The following ANKRD28 variants were observed in gnomAD, a reference collection of about 807,000 sequenced individuals.
The protein encoded by ANKRD28 is ankyrin repeat domain 28.
In ANKRD28, 44 loss-of-function variants were observed where a neutral mutation model predicts 126.5. That is an observed-to-expected ratio of 0.35 (90% confidence interval 0.27 to 0.45). The LOEUF (loss-of-function observed/expected upper bound fraction) is 0.45. Among genes scored for constraint, ANKRD28 ranks in the 20% least tolerant of loss-of-function variants. The pLI is 1.00. For missense variants in ANKRD28, 1,110 were observed against 1,316.6 expected, an observed-to-expected ratio of 0.84 and a Z score of 2.43; for synonymous variants, 442 against 468.5, an observed-to-expected ratio of 0.94 and a Z score of 0.73.
chr3:15,761,868 ATCAGGTTTCTGGT>A (rs2058473635), intron 3 of ANKRD28, among the ~76,000 whole-genome samples: 1 of 152,086 alleles, frequency 6.6e-6, no homozygotes, highest in African/African-American at 2.4e-5. Context: ...TTCCTTCCTG[ATCAGGTTTCTGGT>A]TCAGATTTCA....
chr3:15,713,734 C>G, intron 9 of ANKRD28, 93 bp from the exon 10 acceptor site: 1 of 717,250 alleles, frequency 1.4e-6, no homozygotes, highest in Non-Finnish European at 2.2e-6. Flanking sequence ...TGTTCACATA[C>G]AAACTAATAG....
intron 4 of ANKRD28, among the ~76,000 whole-genome samples, chr3:15,742,794 G>A (rs1314942033): frequency 6.9e-6 from 1 of 145,086 alleles, no homozygotes; most frequent in Non-Finnish European, 1.5e-5. Flanking sequence ...CGGTCCGGGA[G>A]GTGAGGGGCG....
At chr3:15,694,894 C>T in intron 16 of ANKRD28, 81 bp from the exon 17 acceptor site, 1 of 1,319,388 alleles carries the variant, frequency 7.6e-7, no homozygotes, top group African/African-American at 1.5e-5. Flanking sequence ...TTCAAATCCA[C>T]CTTAGAGTAT....
At chr3:15,704,790 T>G (rs1052099497) in intron 14 of ANKRD28, among the ~76,000 whole-genome samples, 1 of 152,212 alleles carries the variant, frequency 6.6e-6, no homozygotes, top group African/African-American at 2.4e-5. Context: ...ATGCCTCTGG[T>G]ATCCCAGAAT....
chr3:15,706,072 TG>T (rs200604907), intron 14 of ANKRD28, among the ~76,000 whole-genome samples: 28 of 151,560 alleles, frequency 1.8e-4, no homozygotes, highest in Admixed American at 3.9e-4. Flanking sequence ...ATTTTTTTTT[TG>T]TGTGTGTGTG....
At chr3:15,698,734 T>TA (rs2070069722) in intron 14 of ANKRD28, among the ~76,000 whole-genome samples, 1 of 151,972 alleles carries the variant, frequency 6.6e-6, no homozygotes, top group Non-Finnish European at 1.5e-5. Flanking sequence ...CTCAATGAAA[T>TA]AAAAGAGGAC....
intron 4 of ANKRD28, among the ~76,000 whole-genome samples, chr3:15,749,286 A>AT (rs967239246): frequency 1.3e-5 from 2 of 149,416 alleles, no homozygotes; most frequent in South Asian, 2.1e-4. Context: ...AATTTTTTGT[A>AT]TTTTTTTAGT....
rs903966417 is a variant in ANKRD28 at position 15,830,389 on chromosome 3, G to A, written c.27+28988C>T. On this transcript the variant is annotated intron_variant, in intron 1 of 27. Coordinates refer to the ANKRD28 transcript ENST00000399451. The surrounding 1 kb of genome is among the most constrained non-coding windows in gnomAD (Gnocchi z 4.5). The stretch of plus-strand genomic sequence containing the variant: ...GGCTGGATAGCAGGAGGTGAGCAGC[G>A]GGCAAGCAAGCATTACCACCTCAAC... Among the ~76,000 whole-genome samples the A allele has an allele frequency of 3.9e-5, 6 of 151,992 alleles. No homozygotes were observed. The highest frequency in any genetic ancestry group is 4.2e-4 in the South Asian group (2 of 4,818).
chr3:15,766,536 A>C (rs1017554441), intron 2 of ANKRD28, among the ~76,000 whole-genome samples: 1 of 152,106 alleles, frequency 6.6e-6, no homozygotes, highest in African/African-American at 2.4e-5. Context: ...TTTTTTTAAC[A>C]ATTAGCCAGG....
chr3:15,682,474 C>CTGGG (rs906096636), intron 21 of ANKRD28, among the ~76,000 whole-genome samples: 2 of 152,250 alleles, frequency 1.3e-5, no homozygotes, highest in African/African-American at 4.8e-5. Flanking sequence ...GGATGGTAAA[C>CTGGG]TGGGTCCTCC....
Position 15,670,325 on chromosome 3 carries a change from T to C in ANKRD28, c.3197A>G (p.Glu1066Gly), listed in dbSNP as rs2066215828. ...CTCATCCACGTCAGTGTATAAGTAC[T>C]CCTGTTCCCCTCCAATGTTATTGAA... ...CSFNNIGGEQ[E>G]YLYTDVDELN... Residue 1066 changes from glutamate to glycine, a missense_variant, in exon 28 of 28, where the codon GAG becomes GGG. Glu to Gly is a moderately conservative substitution (Grantham distance 98, BLOSUM62 -2). Coordinates refer to ENST00000683139, the MANE Select transcript of ANKRD28 (RefSeq NM_001349278.2). 1 of 1,613,822 alleles carries C rather than the reference T, an allele frequency of 6.2e-7. No individual in the cohort carries two copies. Among genetic ancestry groups the C allele is most frequent in the African/African-American group, 1.3e-5 (1 of 75,044 alleles).
intron 14 of ANKRD28, among the ~76,000 whole-genome samples, chr3:15,700,458 C>CAA (rs71045180): frequency 0.014 from 2,003 of 146,774 alleles, 47 homozygotes; most frequent in African/African-American, 0.04. Context: ...AGTATAATGA[C>CAA]AAAAAAAAAA....
At position 15,845,762 on chromosome 3, in the gene ANKRD28, G is replaced by A. The variant is rs1319880056; in HGVS notation, c.27+13615C>T. On this transcript the variant is annotated intron_variant, in intron 1 of 27. Transcript: ENST00000399451. The surrounding 1 kb of genome is among the most constrained non-coding windows in gnomAD (Gnocchi z 4.9). ...CACAGTTCCACAGGCTTAATAAGAA[G>A]TATGACTCAAGAAACTTAGAATCAC... 6.6e-6 allele frequency among the ~76,000 whole-genome samples: 1 copy of A among 152,180 alleles called. No homozygotes were observed. Among genetic ancestry groups the A allele is most frequent in the African/African-American group, 2.4e-5 (1 of 41,438 alleles).
chr3:15,806,325 A>T (rs1409862963), intron 1 of ANKRD28, among the ~76,000 whole-genome samples: 1 of 152,184 alleles, frequency 6.6e-6, no homozygotes, highest in Non-Finnish European at 1.5e-5. Context: ...ATTCCTAACT[A>T]GGTTGTTAAA....
Position 15,795,232 on chromosome 3 carries a change from A to C in ANKRD28, c.192T>G (p.Val64=). 1.2e-6 allele frequency: 2 copies of C among 1,609,550 alleles called. No individual in the cohort carries two copies. The highest frequency in any genetic ancestry group is 1.7e-6 in the Non-Finnish European group (2 of 1,176,094). Residue 64 remains valine, a synonymous_variant, in exon 2 of 28, where the codon GTT becomes GTG. Coordinates refer to ENST00000683139, the MANE Select transcript of ANKRD28 (RefSeq NM_001349278.2). ...GAATTAACTGTTTTACCTGAAAGTT[A>C]ACATCTTCTTTCTTAAATATTAGTG... The part of the protein sequence containing the change: ...VRALIFKKED[V]NFQDNEKRTP...
At chr3:15,811,735 G>A (rs868487229) in intron 1 of ANKRD28, among the ~76,000 whole-genome samples, 10 of 151,780 alleles carry the variant, frequency 6.6e-5, no homozygotes, top group Non-Finnish European at 7.4e-5. Context: ...TTACAGGTGT[G>A]AGCCACTGCG....
chr3:15,768,329 TTAAA>T (rs1308626311), intron 2 of ANKRD28, among the ~76,000 whole-genome samples: 1 of 152,194 alleles, frequency 6.6e-6, no homozygotes, highest in Non-Finnish European at 1.5e-5. Context: ...AAAAGAAGGA[TTAAA>T]TATCTACAGG....
At chr3:15,859,029 C>G (rs2061839150) in intron 1 of ANKRD28, among the ~76,000 whole-genome samples, 1 of 152,224 alleles carries the variant, frequency 6.6e-6, no homozygotes, top group Admixed American at 6.5e-5. Flanking sequence ...CGCTCCCGCC[C>G]GGCAGCGGGG....
chr3:15,763,049 T>A (rs1345089088), intron 3 of ANKRD28, among the ~76,000 whole-genome samples: 1 of 152,202 alleles, frequency 6.6e-6, no homozygotes, highest in Admixed American at 6.5e-5. Context: ...ATTTCTTTAT[T>A]TTTTTTGTTT....
Sources: allele counts gnomAD v4.1 joint callset (sites outside exome capture counted in the v4.1 genomes callset), GRCh38; gene constraint gnomAD v4.1.1; non-coding constraint Gnocchi (gnomAD v3.1); transcripts MANE v1.5; gene names NCBI Gene and HGNC (gene_info 2026-07-23, HGNC 2026-07-21).